The following GPC6 variants were observed in gnomAD, a reference collection of about 807,000 sequenced individuals.
GPC6 encodes glypican 6.
GPC6 carries 14 observed loss-of-function variants against 55.2 expected under a neutral mutation model. That is an observed-to-expected ratio of 0.25 (90% confidence interval 0.17 to 0.40). GPC6 has a LOEUF of 0.40. GPC6 is among the 10% of genes least tolerant of loss of function. GPC6 has a pLI of 1.00. For synonymous variants in GPC6, 278 were observed against 259.6 expected, an observed-to-expected ratio of 1.07 and a Z score of -0.68; for missense variants, 641 against 708.5, an observed-to-expected ratio of 0.90 and a Z score of 1.08.
chr13:93,784,976 C>T (rs1885776949), intron 2 of GPC6, among the ~76,000 whole-genome samples: 1 of 151,934 alleles, frequency 6.6e-6, no homozygotes, highest in Non-Finnish European at 1.5e-5. Context: ...GGAAAAACTT[C>T]AAAAGAAGTT....
intron 4 of GPC6, among the ~76,000 whole-genome samples, chr13:94,233,613 C>CA (rs1488384347): frequency 1.4e-4 from 22 of 152,166 alleles, no homozygotes; most frequent in African/African-American, 5.1e-4. Context: ...CCAGCGTCTC[C>CA]ACACTGTCTT....
chr13:93,570,224 A>G (rs1489870807), intron 2 of GPC6, among the ~76,000 whole-genome samples: 1 of 152,212 alleles, frequency 6.6e-6, no homozygotes, highest in Non-Finnish European at 1.5e-5. Flanking sequence ...TAGAATATGC[A>G]GCATAAATGT....
At chr13:94,164,815 AAACT>A (rs1339771062) in intron 4 of GPC6, among the ~76,000 whole-genome samples, 1 of 152,216 alleles carries the variant, frequency 6.6e-6, no homozygotes, top group African/African-American at 2.4e-5. Flanking sequence ...TTTACAAAAT[AAACT>A]AACTAGGGAT....
intron 2 of GPC6, among the ~76,000 whole-genome samples, chr13:93,546,085 TCTTTGTA>T (rs2139434885): frequency 6.6e-6 from 1 of 152,344 alleles, no homozygotes; most frequent in African/African-American, 2.4e-5. Context: ...GTAGTTTGAT[TCTTTGTA>T]AGCAGTATCA....
At chr13:93,223,746 G>A (rs996203466), upstream of GPC6, among the ~76,000 whole-genome samples, 4 of 151,574 alleles carry the variant, frequency 2.6e-5, no homozygotes, top group African/African-American at 9.7e-5. Context: ...ACCCAGCAGA[G>A]ACACAATCTT....
intron 1 of GPC6, among the ~76,000 whole-genome samples, chr13:93,471,824 G>A (rs1017839200): frequency 4.6e-5 from 7 of 152,100 alleles, no homozygotes; most frequent in Admixed American, 3.9e-4. Flanking sequence ...TATTCCAGAT[G>A]CATGTGCATA....
At chr13:94,093,636 A>C (rs1594730710) in intron 4 of GPC6, among the ~76,000 whole-genome samples, 2 of 152,180 alleles carry the variant, frequency 1.3e-5, no homozygotes, top group Non-Finnish European at 2.9e-5. Context: ...TTTCTGTATA[A>C]AAATGTCATT....
chr13:94,226,627 A>G (rs1292964334), intron 4 of GPC6, among the ~76,000 whole-genome samples: 1 of 152,184 alleles, frequency 6.6e-6, no homozygotes, highest in Admixed American at 6.5e-5. Context: ...GTCTAAAGAA[A>G]CAAACACATA....
chr13:94,258,950 T>C (rs9561520), intron 4 of GPC6, among the ~76,000 whole-genome samples: 8,491 of 151,902 alleles, frequency 0.056, 591 homozygotes, highest in East Asian at 0.21. Context: ...AAACCTTTCC[T>C]AGAAGCCCCT....
At chr13:94,071,186 G>A (rs2138782956) in intron 4 of GPC6, among the ~76,000 whole-genome samples, 1 of 152,160 alleles carries the variant, frequency 6.6e-6, no homozygotes, top group Non-Finnish European at 1.5e-5. Context: ...ATATTCCTTT[G>A]TTCTTTATGC....
chr13:93,860,231 G>A (rs899975029), intron 3 of GPC6, among the ~76,000 whole-genome samples: 1 of 151,584 alleles, frequency 6.6e-6, no homozygotes, highest in African/African-American at 2.4e-5. Context: ...GCAGTTTTGT[G>A]CTTGGTGTGT....
At chr13:93,703,935 CT>C (rs765578239) in intron 2 of GPC6, among the ~76,000 whole-genome samples, 1 of 151,954 alleles carries the variant, frequency 6.6e-6, no homozygotes, top group African/African-American at 2.4e-5. Context: ...TGAGAGCTGG[CT>C]TTGTAATGAT....
intron 1 of GPC6, among the ~76,000 whole-genome samples, chr13:93,472,988 G>A (rs964587075): frequency 1.3e-5 from 2 of 152,194 alleles, no homozygotes; most frequent in East Asian, 1.9e-4. Context: ...GCTCCTCCCT[G>A]TAGCTAGTTG....
At chr13:94,277,815 G>A (rs1892258391) in intron 4 of GPC6, among the ~76,000 whole-genome samples, 1 of 152,198 alleles carries the variant, frequency 6.6e-6, no homozygotes, top group African/African-American at 2.4e-5. Context: ...CCAGTACCAT[G>A]CTGTTTTCAT....
intron 4 of GPC6, among the ~76,000 whole-genome samples, chr13:94,054,831 C>T (rs1051947132): frequency 6.6e-6 from 1 of 152,012 alleles, no homozygotes; most frequent in Non-Finnish European, 1.5e-5. Context: ...GGAGTGATTT[C>T]GACTTTAAAG....
chr13:93,527,007 C>G (rs565540108), intron 1 of GPC6, among the ~76,000 whole-genome samples: 1 of 151,680 alleles, frequency 6.6e-6, no homozygotes, highest in South Asian at 2.1e-4. Context: ...TTAGTGTGCC[C>G]TAAGCATTGT....
At chr13:94,245,330 G>A (rs765112148) in intron 4 of GPC6, among the ~76,000 whole-genome samples, 3 of 151,874 alleles carry the variant, frequency 2.0e-5, no homozygotes, top group South Asian at 2.1e-4. Context: ...AGGTTGAGGC[G>A]GGAGAATTTC....
chr13:93,518,432 C>A (rs1364827269), intron 1 of GPC6, among the ~76,000 whole-genome samples: 5 of 151,966 alleles, frequency 3.3e-5, no homozygotes, highest in Admixed American at 6.6e-5. Flanking sequence ...CACCTGGAGG[C>A]AAACCCTACT....
intron 2 of GPC6, among the ~76,000 whole-genome samples, chr13:93,688,856 C>T (rs114472622): frequency 1.3e-3 from 203 of 152,090 alleles, no homozygotes; most frequent in African/African-American, 4.8e-3. Context: ...GTGATGGTTA[C>T]ACAACATTGT....
Sources: gnomAD v4.1 joint callset for allele counts (sites outside exome capture counted in the v4.1 genomes callset) on GRCh38, gnomAD v4.1.1 for gene constraint, MANE v1.5 for transcripts, NCBI Gene and HGNC (gene_info 2026-07-23, HGNC 2026-07-21) for gene names.